XXYLT1: variants seen among roughly 807,000 people sequenced by gnomAD.
The protein encoded by XXYLT1 is xyloside xylosyltransferase 1.
Under a neutral mutation model 28.9 loss-of-function variants are expected in XXYLT1, and 20 were observed. That is an observed-to-expected ratio of 0.69 (90% CI 0.49 to 1.00). XXYLT1 has a LOEUF of 1.00. Among genes scored for constraint, XXYLT1 ranks in the 50% least tolerant of loss-of-function variants. XXYLT1 has a pLI of 0.00. For missense variants in XXYLT1, 542 were observed against 560.1 expected, an observed-to-expected ratio of 0.97 and a Z score of 0.33; for synonymous variants, 257 against 253.8, an observed-to-expected ratio of 1.01 and a Z score of -0.12.
chr3:195,222,076 C>T (rs182848295), intron 2 of XXYLT1, among the ~76,000 whole-genome samples: 11 of 152,342 alleles, frequency 7.2e-5, no homozygotes, highest in African/African-American at 2.6e-4. Flanking sequence ...GTTTGACCAG[C>T]CCAACCCTAT....
Position 195,240,132 on chromosome 3 carries a change from TC to T in XXYLT1, c.505-13277del, listed in dbSNP as rs1724714436. Among the ~76,000 whole-genome samples the T allele has an allele frequency of 6.6e-6, 1 of 152,242 alleles. No individual in the cohort carries two copies. Reference sequence around the variant, plus strand: ...GTGTCCTCAAACAGTACTTTGTTGTTCAAACTAAAATATGTAACCGAGAAAG... The same window carrying T: ...GTGTCCTCAAACAGTACTTTGTTGTTAAACTAAAATATGTAACCGAGAAAG... On this transcript the variant is annotated intron_variant, in intron 1 of 3. Coordinates refer to ENST00000310380, the MANE Select transcript of XXYLT1 (RefSeq NM_152531.5). The surrounding 1 kb of genome is among the most constrained non-coding windows in gnomAD (Gnocchi z 4.7).
intron 2 of XXYLT1, among the ~76,000 whole-genome samples, chr3:195,202,716 G>A (rs1290644306): frequency 6.6e-6 from 1 of 152,298 alleles, no homozygotes; most frequent in Non-Finnish European, 1.5e-5. Flanking sequence ...GAGACTATCC[G>A]ATGCATAGTT....
At chr3:195,113,295 T>C (rs577505866) in intron 3 of XXYLT1, among the ~76,000 whole-genome samples, 1 of 152,336 alleles carries the variant, frequency 6.6e-6, no homozygotes, top group African/African-American at 2.4e-5. Context: ...AACGCCAGTT[T>C]CTGACACTAT....
At position 195,069,595 on chromosome 3, in the gene XXYLT1, A is replaced by T; in HGVS notation, c.*120T>A. 2 of 1,412,728 alleles carry T rather than the reference A, an allele frequency of 1.4e-6. No individual in the cohort carries two copies. Among genetic ancestry groups the T allele is most frequent in the Non-Finnish European group, 1.9e-6 (2 of 1,053,944 alleles). The allele number at this position is 1,412,728 out of a possible 1,614,324, so 87.5% of individuals were successfully genotyped here. A position where few individuals can be genotyped will look rare whatever the true frequency, so the allele number is the denominator to read the frequency against. ...GCCCGGCAGGAGGTCTCAGCACCTT[A>T]ATCACAGGACTTCCCTGCGGTGTCT... On this transcript the variant is annotated 3_prime_UTR_variant, in exon 4 of 4. Transcript: ENST00000310380.
At chr3:195,214,164 C>T (rs1454835044) in intron 2 of XXYLT1, among the ~76,000 whole-genome samples, 1 of 152,170 alleles carries the variant, frequency 6.6e-6, no homozygotes, top group African/African-American at 2.4e-5. Flanking sequence ...GTCCCTTCCC[C>T]TCCTCTGCAG....
intron 3 of XXYLT1, among the ~76,000 whole-genome samples, chr3:195,110,264 G>GGGGTGAGGT (rs1717491186): frequency 4.5e-4 from 1 of 2,228 alleles, no homozygotes; most frequent in African/African-American, 1.2e-3. Context: ...AGTGTGTGTG[G>GGGGTGAGGT]GTGTGTGGTG....
intron 3 of XXYLT1, among the ~76,000 whole-genome samples, chr3:195,110,239 TGCGTGTGTGGGTG>T (rs1336687229): frequency 3.0e-5 from 1 of 32,966 alleles, no homozygotes; most frequent in Non-Finnish European, 6.8e-5. Flanking sequence ...GTGTGTGGTG[TGCGTGTGTGGGTG>T]AAGTGTGTGT....
At position 195,091,472 on chromosome 3, in the gene XXYLT1, C is replaced by A. The variant is rs1283318297; in HGVS notation, c.786-21361G>T. On this transcript the variant is annotated intron_variant, in intron 3 of 3. Transcript: ENST00000310380. ...TGCAGAAAAAGCCTTTGACAAAATT[C>A]AACAACCCTTCATGCTAAAAACTCT... 5.7e-5 allele frequency among the ~76,000 whole-genome samples: 5 copies of A among 88,470 alleles called. 1 individual carries two copies. Among genetic ancestry groups the A allele is most frequent in the African/African-American group, 3.3e-4 (5 of 15,132 alleles). 58.0% of individuals were successfully genotyped at this position (88,470 alleles called of 152,430 possible).
Position 195,270,661 on chromosome 3 carries a change from G to A in XXYLT1, c.398C>T (p.Ala133Val). 7 of 1,581,308 alleles carry A rather than the reference G, an allele frequency of 4.4e-6. No homozygotes were observed. Among genetic ancestry groups the A allele is most frequent in the Non-Finnish European group, 6.0e-6 (7 of 1,169,526 alleles). Residue 133 changes from alanine (A) to valine (V), a missense_variant, in exon 1 of 4, where the codon GCG becomes GTG. By Grantham distance (64) the Ala-to-Val change is moderately conservative (BLOSUM62 0). Transcript: ENST00000310380. The stretch of plus-strand genomic sequence containing the variant: ...GAAGTGAAGGTTAAGCACCTCGTGC[G>A]CCTCGAACTTGGCGAGGCGCAGCAG... Reference protein sequence around the residue: ...RSLLRLAKFEAHEVLNLHFVS... With the variant: ...RSLLRLAKFEVHEVLNLHFVS...
intron 2 of XXYLT1, among the ~76,000 whole-genome samples, chr3:195,160,128 C>A (rs1720801083): frequency 6.6e-6 from 1 of 152,066 alleles, no homozygotes; most frequent in Admixed American, 6.5e-5. Flanking sequence ...CTTCTGTCCT[C>A]TCCTTTCCCT....
chr3:195,128,308 C>T (rs1718738699), intron 3 of XXYLT1, among the ~76,000 whole-genome samples: 2 of 152,160 alleles, frequency 1.3e-5, no homozygotes, highest in African/African-American at 4.8e-5. Flanking sequence ...AGCCAGAACC[C>T]CCAGTGCATC....
At chr3:195,262,035 C>A (rs1725714329) in intron 1 of XXYLT1, among the ~76,000 whole-genome samples, 2 of 152,232 alleles carry the variant, frequency 1.3e-5, no homozygotes, top group Admixed American at 1.3e-4. Context: ...CACACAAAAA[C>A]TTCTAAGTAA....
rs140747000 is a variant in XXYLT1, at chr3:195,229,393, C to T, written c.505-2537G>A. ...AAGCATTTATCCTTTGTGTTACAAA[C>T]AATCCAATTATTTTAGTTATTTGAA... On this transcript the variant is annotated intron_variant, in intron 1 of 3. Transcript: ENST00000310380. Among the ~76,000 whole-genome samples the T allele has an allele frequency of 3.5e-3, 527 of 152,266 alleles. 3 individuals carry two copies. The highest frequency in any genetic ancestry group is 0.012 in the African/African-American group (492 of 41,548).
intron 3 of XXYLT1, among the ~76,000 whole-genome samples, chr3:195,090,953 T>G (rs1453118978): frequency 6.6e-6 from 1 of 151,774 alleles, no homozygotes; most frequent in Middle Eastern, 3.2e-3. Flanking sequence ...CCTCGACGTA[T>G]ACACTCTCCC....
At chr3:195,196,787 A>G (rs570377969) in intron 2 of XXYLT1, among the ~76,000 whole-genome samples, 33 of 152,364 alleles carry the variant, frequency 2.2e-4, no homozygotes, top group African/African-American at 7.7e-4. Flanking sequence ...TGCCAAAGTA[A>G]TAAGGAATAT....
chr3:195,197,057 A>T (rs542053951), intron 2 of XXYLT1, among the ~76,000 whole-genome samples: 1 of 152,364 alleles, frequency 6.6e-6, no homozygotes, highest in Admixed American at 6.5e-5. Flanking sequence ...TTGGTACTGA[A>T]TTGGCAATGA....
intron 3 of XXYLT1, among the ~76,000 whole-genome samples, chr3:195,103,656 G>A (rs1438017635): frequency 2.6e-5 from 4 of 152,214 alleles, no homozygotes; most frequent in African/African-American, 7.2e-5. Context: ...GACAGAAGAG[G>A]TGCTGTTCTG....
At chr3:195,201,215 G>A (rs1722835655) in intron 2 of XXYLT1, among the ~76,000 whole-genome samples, 1 of 152,174 alleles carries the variant, frequency 6.6e-6, no homozygotes, top group South Asian at 2.1e-4. Context: ...GTTCCTCTGT[G>A]AAGAGAGTGT....
intron 3 of XXYLT1, among the ~76,000 whole-genome samples, chr3:195,104,793 AAAAC>A (rs1252518092): frequency 6.6e-6 from 1 of 152,222 alleles, no homozygotes; most frequent in Non-Finnish European, 1.5e-5. Context: ...GGCAAAAACA[AAAAC>A]AAACAAAAAA....
Sources: gnomAD v4.1 joint callset for allele counts (sites outside exome capture counted in the v4.1 genomes callset) on GRCh38, gnomAD v4.1.1 for gene constraint, Gnocchi (gnomAD v3.1) non-coding constraint, MANE v1.5 for transcripts, NCBI Gene and HGNC (gene_info 2026-07-23, HGNC 2026-07-21) for gene names.